The following BBOX1 variants were observed in gnomAD, a reference collection of about 807,000 sequenced individuals.
BBOX1 encodes gamma-butyrobetaine hydroxylase 1.
Under a neutral mutation model 41.6 loss-of-function variants are expected in BBOX1, and 35 were observed. The observed-to-expected ratio is 0.84, with a 90% CI of 0.64 to 1.11. BBOX1 has a LOEUF of 1.11. BBOX1 is among the 50% of genes most tolerant of loss of function. The pLI, the probability that BBOX1 is intolerant of heterozygous loss-of-function variation, is 0.00. For missense variants in BBOX1, 458 were observed against 460.6 expected (o/e 0.99, Z 0.05); for synonymous variants, 163 against 154.7 (o/e 1.05, Z -0.40).
intron 7 of BBOX1, 135 bp downstream of exon 7, chr11:27,119,980 GAGTGAT>G: frequency 1.9e-6 from 1 of 526,088 alleles, no homozygotes; most frequent in Non-Finnish European, 3.1e-6. Context: ...CCCAATTTTA[GAGTGAT>G]AGTATTTTCA....
intron 4 of BBOX1, among the ~76,000 whole-genome samples, chr11:27,087,537 C>T (rs953049063): frequency 2.0e-5 from 3 of 152,200 alleles, no homozygotes; most frequent in South Asian, 4.1e-4. Flanking sequence ...ATTTTATATG[C>T]ATTAGGAAAC....
At chr11:27,043,789 C>G (rs1382399088) in intron 2 of BBOX1, among the ~76,000 whole-genome samples, 3 of 152,146 alleles carry the variant, frequency 2.0e-5, no homozygotes, top group Admixed American at 6.5e-5. Flanking sequence ...TTTTTTATGG[C>G]TGCATAGTAT....
chr11:27,086,463 A>G (rs1858043150), intron 4 of BBOX1, among the ~76,000 whole-genome samples: 1 of 152,146 alleles, frequency 6.6e-6, no homozygotes, highest in Admixed American at 6.6e-5. Context: ...CCATACGTCT[A>G]TTTACAGCAT....
At position 27,055,560 on chromosome 11, in the gene BBOX1, T is replaced by C; in HGVS notation, c.130T>C (p.Tyr44His). ...LRDNCPCSDC[Y>H]LDSAKARKLL... ...AGACAACTGTCCGTGCTCTGATTGC[T>C]ACCTGGATTCTGCAAAAGCACGGAA... Residue 44 changes from tyrosine to histidine, a missense_variant, in exon 3 of 9, where the codon TAC becomes CAC. Coordinates refer to ENST00000263182, the MANE Select transcript of BBOX1 (RefSeq NM_003986.3). The C allele has an allele frequency of 2.5e-6, 4 of 1,614,190 alleles. No individual in the cohort carries two copies. The highest frequency in any genetic ancestry group is 3.4e-6 in the Non-Finnish European group (4 of 1,180,028).
At chr11:27,079,167 G>A (rs547971238) in intron 4 of BBOX1, among the ~76,000 whole-genome samples, 7 of 152,244 alleles carry the variant, frequency 4.6e-5, no homozygotes, top group South Asian at 4.1e-4. Flanking sequence ...GTATCTCAAA[G>A]GTGGACAATT....
At chr11:27,046,169 T>C (rs1185296628) in intron 2 of BBOX1, 1 of 152,140 alleles carries the variant, frequency 6.6e-6, no homozygotes, top group Admixed American at 6.5e-5. Context: ...AAGCTCTAGC[T>C]CTAAGTTACT....
intron 4 of BBOX1, among the ~76,000 whole-genome samples, chr11:27,090,502 G>C (rs532804764): frequency 6.6e-6 from 1 of 152,030 alleles, no homozygotes; most frequent in East Asian, 1.9e-4. Flanking sequence ...ATGCTTCTGA[G>C]GGAATAGGAC....
chr11:27,107,279 C>T (rs892316300), intron 5 of BBOX1, among the ~76,000 whole-genome samples: 1 of 151,828 alleles, frequency 6.6e-6, no homozygotes. Context: ...AAAACCCGTT[C>T]AAAAAATCAA....
intron 4 of BBOX1, among the ~76,000 whole-genome samples, chr11:27,063,359 C>T (rs1415144134): frequency 6.6e-6 from 1 of 152,006 alleles, no homozygotes; most frequent in Non-Finnish European, 1.5e-5. Flanking sequence ...TGAGATGCAA[C>T]ATTCCCAACA....
chr11:27,059,177 T>C, intron 4 of BBOX1, among the ~76,000 whole-genome samples: 1 of 152,110 alleles, frequency 6.6e-6, no homozygotes, highest in East Asian at 1.9e-4. Context: ...CACTCCAGCC[T>C]CGGCTCCAAG....
At chr11:27,045,536 TG>T (rs59826199) in intron 2 of BBOX1, among the ~76,000 whole-genome samples, 31,222 of 152,108 alleles carry the variant, frequency 0.21, 4,114 homozygotes, top group African/African-American at 0.38. Context: ...TTCCAGTTTT[TG>T]CCCATTCAGT....
chr11:27,049,293 G>A (rs1429641858), intron 2 of BBOX1, among the ~76,000 whole-genome samples: 1 of 152,056 alleles, frequency 6.6e-6, no homozygotes, highest in Non-Finnish European at 1.5e-5. Context: ...ATGATCTCAT[G>A]AGGTGGTTTT....
At chr11:27,112,872 A>G (rs1296668310) in intron 5 of BBOX1, among the ~76,000 whole-genome samples, 18 of 151,918 alleles carry the variant, frequency 1.2e-4, no homozygotes, top group Admixed American at 1.2e-3. Context: ...AACAGACAAC[A>G]TATAGAATGG....
chr11:27,083,603 T>C (rs1021161350), intron 4 of BBOX1, among the ~76,000 whole-genome samples: 2 of 152,122 alleles, frequency 1.3e-5, no homozygotes, highest in Non-Finnish European at 2.9e-5. Flanking sequence ...TTAATCACCA[T>C]GTCTAAATGA....
chr11:27,042,570 A>T (rs1364829131), intron 2 of BBOX1, among the ~76,000 whole-genome samples: 1 of 152,102 alleles, frequency 6.6e-6, no homozygotes, highest in Non-Finnish European at 1.5e-5. Context: ...GCTGGTCTCA[A>T]ATTCCTGGCC....
chr11:27,068,962 T>C (rs1012599715), intron 4 of BBOX1, among the ~76,000 whole-genome samples: 9 of 152,284 alleles, frequency 5.9e-5, no homozygotes, highest in Admixed American at 2.0e-4. Flanking sequence ...CATGCTGTTT[T>C]GGTAACTATA....
chr11:27,076,666 G>C (rs1444522988), intron 4 of BBOX1, among the ~76,000 whole-genome samples: 1 of 152,150 alleles, frequency 6.6e-6, no homozygotes, highest in Non-Finnish European at 1.5e-5. Context: ...TAAGTTACCA[G>C]AGTGGGTGGA....
At chr11:27,048,173 T>C (rs552819179) in intron 2 of BBOX1, among the ~76,000 whole-genome samples, 12 of 152,266 alleles carry the variant, frequency 7.9e-5, no homozygotes, top group African/African-American at 2.6e-4. Flanking sequence ...GACAGTATTA[T>C]TAACTATAGT....
At chr11:27,118,173 A>G (rs1333959970) in intron 6 of BBOX1, among the ~76,000 whole-genome samples, 2 of 152,010 alleles carry the variant, frequency 1.3e-5, no homozygotes, top group African/African-American at 4.8e-5. Context: ...TAGATACACT[A>G]TAAAGAGGCA....
Sources: allele counts gnomAD v4.1 joint callset (sites outside exome capture counted in the v4.1 genomes callset), GRCh38; gene constraint gnomAD v4.1.1; transcripts MANE v1.5; gene names NCBI Gene and HGNC (gene_info 2026-07-23, HGNC 2026-07-21).